ABCA7: variants seen among roughly 807,000 people sequenced by gnomAD.
The protein encoded by ABCA7 is phospholipid-transporting ATPase ABCA7.
In ABCA7, 261 loss-of-function variants were observed where a neutral mutation model predicts 227.6. The ratio of observed to expected loss-of-function variants is 1.15; its 90% confidence interval spans 1.04 to 1.27. ABCA7 has a LOEUF of 1.27. Among genes scored for constraint, ABCA7 ranks in the 50% most tolerant of loss-of-function variants. The pLI is 0.00. For missense variants in ABCA7, 3,331 were observed against 2,924.5 expected (o/e 1.14, Z -3.21); for synonymous variants, 1,488 against 1,279.7 (o/e 1.16, Z -3.47).
Position 1,045,149 on chromosome 19 carries a change from C to G in ABCA7, c.1363C>G (p.Pro455Ala). The G allele has an allele frequency of 1.2e-6, 2 of 1,612,968 alleles. No individual in the cohort carries two copies. Among genetic ancestry groups the G allele is most frequent in the Non-Finnish European group, 1.7e-6 (2 of 1,180,002 alleles). ...TTCAGACCCCACAGAGCACCCAACC[C>G]CAGACCTGGGCCCCGGCCACGTGCG... ...DSSDPTEHPT[P>A]DLGPGHVRIK... Residue 455 changes from proline (P) to alanine (A), a missense_variant, in exon 12 of 47, where the codon CCA (proline) becomes GCA (alanine). By Grantham distance (27) the Pro-to-Ala change is conservative (BLOSUM62 -1). Coordinates refer to ENST00000263094, the MANE Select transcript of ABCA7 (RefSeq NM_019112.4).
intron 20 of ABCA7, 29 bp from the exon 21 acceptor site, chr19:1,051,420 C>A: frequency 5.6e-6 from 4 of 719,740 alleles, no homozygotes; most frequent in Non-Finnish European, 8.1e-6. Flanking sequence ...GGGTGTGACA[C>A]ACTGAGGTCC....
At chr19:1,058,508 G>A in intron 37 of ABCA7, 110 bp from the exon 38 acceptor site, 1 of 1,528,062 alleles carries the variant, frequency 6.5e-7, no homozygotes, top group Non-Finnish European at 8.8e-7. Context: ...CAGCTGAGTG[G>A]CCTATCCAAT....
Position 1,054,546 on chromosome 19 carries a change from G to A in ABCA7, c.3727-24G>A. ...CAAGCCTGGAGGGTGGATGGAAGCA[G>A]CAGCTGATGGGCTGGTCCCCCAGAT... On this transcript the variant is annotated intron_variant, in intron 27 of 46. Coordinates refer to ENST00000263094, the MANE Select transcript of ABCA7 (RefSeq NM_019112.4). This position sits in a 1 kb window ranked among gnomAD's most constrained non-coding sequence, Gnocchi z 4.8. The A allele has an allele frequency of 6.2e-7, 1 of 1,602,312 alleles. No homozygotes were observed. The highest frequency in any genetic ancestry group is 8.5e-7 in the Non-Finnish European group (1 of 1,173,502).
At position 1,055,085 on chromosome 19, in the gene ABCA7, C is replaced by T. The variant is rs1345231261; in HGVS notation, c.3951-12C>T. ...GCAGCGCCCTTGAGTGTGCACAGCC[C>T]ATTGTCTGCAGGTTCTCGGCACCAG... On this transcript the variant is annotated splice_polypyrimidine_tract_variant and intron_variant, in intron 29 of 46. Transcript: ENST00000263094. 6.2e-7 allele frequency: 1 copy of T among 1,608,292 alleles called. No individual in the cohort carries two copies. Among genetic ancestry groups the T allele is most frequent in the Non-Finnish European group, 8.5e-7 (1 of 1,176,462 alleles).
chr19:1,058,718 G>T lies in ABCA7; in HGVS notation c.5250G>T (p.Leu1750=), dbSNP rs767053101. The part of the protein sequence containing the change: ...QGPLFLLFTL[L]LQHRSQLLPQ... ...CCCTCTTCCTTCTCTTCACACTACT[G>T]CTGCAGCACCGAAGCCAACTCCTGC... Residue 1750 remains leucine (L), a synonymous_variant, in exon 38 of 47, where the codon CTG becomes CTT. Transcript: ENST00000263094. 6.2e-7 allele frequency: 1 copy of T among 1,613,912 alleles called. No homozygotes were observed.
At chr19:1,044,824 AGG>A in intron 11 of ABCA7, 80 bp downstream of exon 11, 1 of 1,513,948 alleles carries the variant, frequency 6.6e-7, no homozygotes, top group South Asian at 1.2e-5. Flanking sequence ...TGGTGTTCCC[AGG>A]GGGAGGCGGG....
At chr19:1,049,198 G>A in intron 17 of ABCA7, 68 bp from the exon 18 acceptor site, 1 of 1,519,670 alleles carries the variant, frequency 6.6e-7, no homozygotes, top group Non-Finnish European at 8.9e-7. Context: ...CCACAGCCCA[G>A]CTCTGAGGGA....
At position 1,063,763 on chromosome 19, in the gene ABCA7, G is replaced by T. The variant is rs913754678; in HGVS notation, c.5851G>T (p.Glu1951Ter). The change falls in exon 44 of 47, where the codon GAG becomes TAG. Residue 1951 changes from glutamate (E) to a stop codon, truncating the protein, a stop_gained. Transcript: ENST00000263094. LOFTEE classifies it high-confidence loss of function. ...TGGGATCTTCCGTGCTCCCCAGGAC[G>T]AGCCGACCACAGGCATGGACCCCAG... Reference protein sequence around the residue: ...VGDPAVVFLDEPTTGMDPSAR... With the variant: ...VGDPAVVFLD 20 of 1,547,094 alleles carry T rather than the reference G, an allele frequency of 1.3e-5. No individual in the cohort carries two copies. The highest frequency in any genetic ancestry group is 1.1e-4 in the African/African-American group (8 of 73,088).
rs2042456169 is a variant in ABCA7 at position 1,058,802 on chromosome 19, C to A, written c.5280-18C>A. ...GGGCCAAGGACCTACTTTAAGCCCA[C>A]AGATATTCTGTCCCCAGGCCCAGGG... On this transcript the variant is annotated intron_variant, in intron 38 of 46. Coordinates refer to ENST00000263094, the MANE Select transcript of ABCA7 (RefSeq NM_019112.4). 5 of 1,591,022 alleles carry A rather than the reference C, an allele frequency of 3.1e-6. No individual in the cohort carries two copies. Among genetic ancestry groups the A allele is most frequent in the Non-Finnish European group, 4.3e-6 (5 of 1,166,084 alleles).
intron 45 of ABCA7, 53 bp from the exon 46 acceptor site, chr19:1,064,878 A>AGGTGGG: frequency 6.6e-7 from 1 of 1,523,986 alleles, no homozygotes. Flanking sequence ...GGGTGAGCTG[A>AGGTGGG]GGTGGGACCT....
intron 3 of ABCA7, 67 bp downstream of exon 3, chr19:1,041,670 G>T: frequency 6.3e-7 from 1 of 1,580,758 alleles, no homozygotes; most frequent in Non-Finnish European, 8.6e-7. Flanking sequence ...CCCGTGCACA[G>T]GAATCCCCCG....
At position 1,041,930 on chromosome 19, in the gene ABCA7, C is replaced by T. The variant is rs763590231; in HGVS notation, c.260C>T (p.Pro87Leu). 3.1e-6 allele frequency: 5 copies of T among 1,597,228 alleles called. No individual in the cohort carries two copies. The highest frequency in any genetic ancestry group is 2.7e-5 in the African/African-American group (2 of 74,594). The change falls in exon 4 of 47, where the codon CCG becomes CTG. Residue 87 changes from proline (P) to leucine (L), a missense_variant. Coordinates refer to ENST00000263094, the MANE Select transcript of ABCA7 (RefSeq NM_019112.4). ...AACACCTGCTTTCCGCAGCTGACAC[C>T]GGGCGAGGAGCCCGGGCGCCTGAGC... ...VNNTCFPQLT[P>L]GEEPGRLSNF...
chr19:1,048,925 T>C lies in ABCA7; in HGVS notation c.2300T>C (p.Phe767Ser). The change falls in exon 17 of 47, where the codon TTT becomes TCT. Residue 767 changes from phenylalanine to serine, a missense_variant. Phe to Ser is a radical substitution (Grantham distance 155). Transcript: ENST00000263094. The stretch of plus-strand genomic sequence containing the variant: ...TACGGGATCCCTGAACCATGGAATT[T>C]TCCTTTTCGGAGGAGCTACTGGTGC... ...GQYGIPEPWNFPFRRSYWCGP... is the reference protein window; with the variant it reads ...GQYGIPEPWNSPFRRSYWCGP... 2.5e-6 allele frequency: 4 copies of C among 1,609,272 alleles called. No individual in the cohort carries two copies. Among genetic ancestry groups the C allele is most frequent in the Non-Finnish European group, 3.4e-6 (4 of 1,178,224 alleles).
Position 1,040,184 on chromosome 19 carries a change from G to C in ABCA7, c.-150G>C, listed in dbSNP as rs2039869336. On this transcript the variant is annotated 5_prime_UTR_variant, in exon 1 of 47. Coordinates refer to ENST00000263094, the MANE Select transcript of ABCA7 (RefSeq NM_019112.4). ...CGGAGGGAAGGCGGCAAGAGCTGCG[G>C]AGCCCCTGGAAGGTGAGAAGGACTC... 1 of 152,286 alleles carries C rather than the reference G, an allele frequency of 6.6e-6. No homozygotes were observed. Among genetic ancestry groups the C allele is most frequent in the Non-Finnish European group, 1.5e-5 (1 of 68,060 alleles). 9.4% of individuals were successfully genotyped at this position (152,286 alleles called of 1,614,324 possible). A position where few individuals can be genotyped will look rare whatever the true frequency, so the allele number is the denominator to read the frequency against.
intron 18 of ABCA7, among the ~76,000 whole-genome samples, chr19:1,050,715 G>C (rs1422140843): frequency 6.6e-6 from 1 of 150,666 alleles, no homozygotes; most frequent in Non-Finnish European, 1.5e-5. Context: ...GGGAGGTGGA[G>C]CTTGCAGTGA....
At chr19:1,064,355 C>A in intron 45 of ABCA7, 102 bp downstream of exon 45, 1 of 1,276,724 alleles carries the variant, frequency 7.8e-7, no homozygotes, top group Non-Finnish European at 1.1e-6. Context: ...AAGTTTGGCT[C>A]CAACTGGAGA....
Position 1,054,842 on chromosome 19 carries a change from G to T in ABCA7, c.3914G>T (p.Gly1305Val). 2 of 1,566,498 alleles carry T rather than the reference G, an allele frequency of 1.3e-6. No individual in the cohort carries two copies. Among genetic ancestry groups the T allele is most frequent in the South Asian group, 2.3e-5 (2 of 86,214 alleles). ...RLLEALLQEA[G>V]LEEPPVQHSS... ...CTCGAGGCGCTGCTGCAGGAGGCAG[G>T]ACTGGAGGAGCCCCCAGTGCAGCAT... Residue 1305 changes from glycine (G) to valine (V), a missense_variant, in exon 29 of 47, where the codon GGA (glycine) becomes GTA (valine). By Grantham distance (109) the Gly-to-Val change is moderately radical (BLOSUM62 -3). Coordinates refer to ENST00000263094, the MANE Select transcript of ABCA7 (RefSeq NM_019112.4). This position sits in a 1 kb window ranked among gnomAD's most constrained non-coding sequence, Gnocchi z 4.8.
chr19:1,047,440 C>A lies in ABCA7; in HGVS notation c.2068-13C>A. 6.5e-7 allele frequency: 1 copy of A among 1,538,480 alleles called. No homozygotes were observed. Among genetic ancestry groups the A allele is most frequent in the South Asian group, 1.2e-5 (1 of 85,824 alleles). ...CCGCTTCGGCCGCTCACTGACCGCC[C>A]GCTTTTCCGCAGAGCCTGCTGTCGC... is the stretch of plus-strand genomic sequence containing the variant. On this transcript the variant is annotated splice_polypyrimidine_tract_variant and intron_variant, in intron 15 of 46. Coordinates refer to ENST00000263094, the MANE Select transcript of ABCA7 (RefSeq NM_019112.4).
At position 1,063,802 on chromosome 19, in the gene ABCA7, C is replaced by G. The variant is rs1403298739; in HGVS notation, c.5890C>G (p.Leu1964Val). ...TGMDPSARRF[L>V]WNSLLAVVRE... ...CATGGACCCCAGCGCGCGGCGCTTC[C>G]TTTGGAACAGCCTTTTGGCCGTGGT... Residue 1964 changes from leucine (L) to valine (V), a missense_variant, in exon 44 of 47, where the codon CTT (leucine) becomes GTT (valine). By Grantham distance (32) the Leu-to-Val change is conservative. Transcript: ENST00000263094. 1.3e-6 allele frequency: 2 copies of G among 1,546,532 alleles called. No homozygotes were observed. The highest frequency in any genetic ancestry group is 1.7e-6 in the Non-Finnish European group (2 of 1,145,736).
Sources: gnomAD v4.1 joint callset for allele counts (sites outside exome capture counted in the v4.1 genomes callset) on GRCh38, gnomAD v4.1.1 for gene constraint, Gnocchi (gnomAD v3.1) non-coding constraint, MANE v1.5 for transcripts, NCBI Gene and HGNC (gene_info 2026-07-23, HGNC 2026-07-21) for gene names.